ALCAM: variants seen among roughly 807,000 people sequenced by gnomAD.
ALCAM encodes activated leukocyte cell adhesion molecule, also known as CD166 antigen.
A neutral mutation model predicts 70.9 loss-of-function variants in ALCAM; 30 were observed. The observed-to-expected ratio is 0.42, with a 90% CI of 0.32 to 0.57. The LOEUF (loss-of-function observed/expected upper bound fraction) is 0.57. Among genes scored for constraint, ALCAM ranks in the 20% least tolerant of loss-of-function variants. ALCAM has a pLI of 0.11. For missense variants in ALCAM, 591 were observed against 695.1 expected (o/e 0.85, Z 1.68); for synonymous variants, 249 against 242.5 (o/e 1.03, Z -0.25).
intron 1 of ALCAM, among the ~76,000 whole-genome samples, chr3:105,473,555 TG>T (rs1300422344): frequency 4.6e-5 from 7 of 151,636 alleles, no homozygotes; most frequent in Admixed American, 2.0e-4. Context: ...AAATACAAAC[TG>T]GTAAACATAG....
intron 1 of ALCAM, among the ~76,000 whole-genome samples, chr3:105,499,760 A>T (rs1938867684): frequency 6.6e-6 from 1 of 152,144 alleles, no homozygotes; most frequent in Non-Finnish European, 1.5e-5. Flanking sequence ...TTCTCATGGT[A>T]CTCTGCTGGA....
At chr3:105,483,241 C>T (rs546509256) in intron 1 of ALCAM, among the ~76,000 whole-genome samples, 70 of 152,214 alleles carry the variant, frequency 4.6e-4, no homozygotes, top group Admixed American at 1.6e-3. Flanking sequence ...TCATCGTTTA[C>T]TCATTTCTGT....
At chr3:105,513,741 A>G (rs1163413449) in intron 1 of ALCAM, among the ~76,000 whole-genome samples, 1 of 152,000 alleles carries the variant, frequency 6.6e-6, no homozygotes, top group African/African-American at 2.4e-5. Flanking sequence ...TAATTTAAAA[A>G]TGGCCCCAAA....
intron 1 of ALCAM, among the ~76,000 whole-genome samples, chr3:105,370,178 C>G (rs1935190072): frequency 6.6e-6 from 1 of 152,136 alleles, no homozygotes; most frequent in African/African-American, 2.4e-5. Flanking sequence ...TGAAACATAT[C>G]AATTGATCTC....
At chr3:105,522,130 G>A (rs1403699603) in intron 2 of ALCAM, among the ~76,000 whole-genome samples, 2 of 152,196 alleles carry the variant, frequency 1.3e-5, no homozygotes, top group Non-Finnish European at 2.9e-5. Context: ...GTGGGAGTTA[G>A]TAAACCCAGG....
chr3:105,495,078 A>G (rs1321916951), intron 1 of ALCAM, among the ~76,000 whole-genome samples: 1 of 152,140 alleles, frequency 6.6e-6, no homozygotes, highest in Non-Finnish European at 1.5e-5. Flanking sequence ...CTTTGCTCAT[A>G]CAGACTGAGA....
intron 1 of ALCAM, among the ~76,000 whole-genome samples, chr3:105,400,155 A>C (rs1253841322): frequency 6.6e-6 from 1 of 152,180 alleles, no homozygotes; most frequent in African/African-American, 2.4e-5. Context: ...TTAAACATAC[A>C]CAGGAAGAAT....
chr3:105,507,471 T>A (rs1199040953), intron 1 of ALCAM, among the ~76,000 whole-genome samples: 2 of 152,180 alleles, frequency 1.3e-5, no homozygotes, highest in African/African-American at 2.4e-5. Flanking sequence ...CTCTTTACTA[T>A]CTCCATAGTT....
At chr3:105,544,780 A>G (rs485922) in intron 8 of ALCAM, 25,536 of 167,416 alleles carry the variant, frequency 0.15, 2,130 homozygotes, top group Admixed American at 0.27. Flanking sequence ...AAGAAACACA[A>G]CTACTATCTC....
intron 14 of ALCAM, among the ~76,000 whole-genome samples, chr3:105,561,554 C>T (rs1161028586): frequency 6.6e-6 from 1 of 151,984 alleles, no homozygotes; most frequent in Non-Finnish European, 1.5e-5. Flanking sequence ...GGGTATAATC[C>T]TCCAGATTAC....
intron 3 of ALCAM, 157 bp downstream of exon 3, chr3:105,524,665 C>G (rs1939650289): frequency 1.5e-6 from 2 of 1,341,544 alleles, no homozygotes; most frequent in African/African-American, 1.5e-5. Context: ...TATATACTAT[C>G]AGCAAAGAAA....
chr3:105,514,913 T>G (rs1448197354), intron 1 of ALCAM, among the ~76,000 whole-genome samples: 1 of 151,926 alleles, frequency 6.6e-6, no homozygotes, highest in Non-Finnish European at 1.5e-5. Flanking sequence ...CCCCATTTGT[T>G]GAAGGAAAAT....
At chr3:105,522,220 T>A (rs1468649776) in intron 2 of ALCAM, among the ~76,000 whole-genome samples, 3 of 152,188 alleles carry the variant, frequency 2.0e-5, no homozygotes. Context: ...AATTTTTAGT[T>A]CAGCAAAAGT....
Position 105,549,714 on chromosome 3 carries a change from G to A in ALCAM, c.1375-413G>A, listed in dbSNP as rs139015591. Among the ~76,000 whole-genome samples, 1,330 of 151,354 alleles carry A rather than the reference G, an allele frequency of 8.8e-3. 7 individuals are homozygous for A. The highest frequency in any genetic ancestry group is 0.016 in the Admixed American group (236 of 15,146). On this transcript the variant is annotated intron_variant, in intron 11 of 15. Coordinates refer to ENST00000306107, the MANE Select transcript of ALCAM (RefSeq NM_001627.4). ...TACATACTTTGATATAATGGTTTAA[G>A]ATAAAGGAATTAATTCCCACAGTGA... is the stretch of plus-strand genomic sequence containing the variant.
chr3:105,483,086 C>T (rs961277043), intron 1 of ALCAM, among the ~76,000 whole-genome samples: 7 of 152,074 alleles, frequency 4.6e-5, no homozygotes, highest in African/African-American at 1.7e-4. Context: ...TTTCATTTTT[C>T]AGAAAGATTT....
chr3:105,397,321 T>C (rs183422324), intron 1 of ALCAM, among the ~76,000 whole-genome samples: 41 of 152,178 alleles, frequency 2.7e-4, no homozygotes, highest in Admixed American at 2.0e-3. Context: ...CTTCTGCAAG[T>C]TGTACACATG....
At chr3:105,525,443 C>A in intron 3 of ALCAM, 1 of 816,622 alleles carries the variant, frequency 1.2e-6, no homozygotes, top group Non-Finnish European at 1.5e-6. Context: ...GGGAACGAAA[C>A]AGGTCTCAAA....
chr3:105,386,154 A>G (rs1935649783), intron 1 of ALCAM, among the ~76,000 whole-genome samples: 1 of 151,656 alleles, frequency 6.6e-6, no homozygotes, highest in Admixed American at 6.6e-5. Flanking sequence ...AAATTAAGAA[A>G]TGAGTATAAG....
Position 105,519,956 on chromosome 3 carries a change from T to G in ALCAM, c.74-111T>G, listed in dbSNP as rs1233478468. The G allele has an allele frequency of 9.6e-6, 6 of 622,792 alleles. No homozygotes were observed. The East Asian group carries it at 1.7e-4, about 17-fold the overall frequency. 38.6% of individuals were successfully genotyped at this position (622,792 alleles called of 1,614,324 possible). A position where few individuals can be genotyped will look rare whatever the true frequency, so the allele number is the denominator to read the frequency against. ...CCATTTAAAATAAAACTATAGCAGA[T>G]GACAACCTTCATCGACATGCATCTT... is the stretch of plus-strand genomic sequence containing the variant. On this transcript the variant is annotated intron_variant, in intron 1 of 15. Transcript: ENST00000306107.
Sources: allele counts gnomAD v4.1 joint callset (sites outside exome capture counted in the v4.1 genomes callset), GRCh38; gene constraint gnomAD v4.1.1; transcripts MANE v1.5; gene names NCBI Gene and HGNC (gene_info 2026-07-23, HGNC 2026-07-21).